The following IFT81 variants were observed in gnomAD, a reference collection of about 807,000 sequenced individuals.
IFT81 encodes the protein intraflagellar transport 81, also known as intraflagellar transport protein 81 homolog.
IFT81 carries 72 observed loss-of-function variants against 102.6 expected under a neutral mutation model. The ratio of observed to expected loss-of-function variants is 0.70; its 90% CI spans 0.58 to 0.85. IFT81 has a LOEUF of 0.85. IFT81 is among the 40% of genes least tolerant of loss of function. IFT81 has a pLI of 0.00. For synonymous variants in IFT81, 237 were observed against 242.7 expected, an observed-to-expected ratio of 0.98 and a Z score of 0.22; for missense variants, 723 against 787.3, an observed-to-expected ratio of 0.92 and a Z score of 0.98.
intron 18 of IFT81, among the ~76,000 whole-genome samples, chr12:110,215,689 TTC>T (rs1196560360): frequency 1.3e-5 from 2 of 150,914 alleles, no homozygotes; most frequent in East Asian, 2.0e-4. Context: ...CCAGGCTGGA[TTC>T]TCTCTCTCTT....
chr12:110,178,895 G>A (rs1383830692), intron 11 of IFT81, among the ~76,000 whole-genome samples: 1 of 151,480 alleles, frequency 6.6e-6, no homozygotes, highest in Non-Finnish European at 1.5e-5. Flanking sequence ...AGGATTATAG[G>A]CGTGAGCCAC....
intron 14 of IFT81, 49 bp downstream of exon 14, chr12:110,192,755 A>G (rs1356489016): frequency 9.9e-7 from 1 of 1,008,824 alleles, no homozygotes; most frequent in Non-Finnish European, 1.5e-6. Flanking sequence ...TACTTTTAGT[A>G]TTCTATCTTA....
At chr12:110,161,844 G>A (rs1419613571) in intron 10 of IFT81, among the ~76,000 whole-genome samples, 1 of 152,054 alleles carries the variant, frequency 6.6e-6, no homozygotes, top group African/African-American at 2.4e-5. Flanking sequence ...AAGGACAATA[G>A]AATTTTTTTA....
intron 1 of IFT81, among the ~76,000 whole-genome samples, chr12:110,125,388 T>G (rs1192718666): frequency 3.9e-5 from 6 of 152,200 alleles, no homozygotes; most frequent in Non-Finnish European, 7.3e-5. Flanking sequence ...GGAGAAATTA[T>G]CTTTTTTATT....
chr12:110,158,421 A>C (rs1017656982), intron 10 of IFT81, among the ~76,000 whole-genome samples: 2 of 151,666 alleles, frequency 1.3e-5, no homozygotes, highest in African/African-American at 4.9e-5. Flanking sequence ...TAAAAAATAG[A>C]AACAGGGTCT....
intron 10 of IFT81, among the ~76,000 whole-genome samples, chr12:110,149,658 C>T (rs1895411006): frequency 6.6e-6 from 1 of 152,192 alleles, no homozygotes; most frequent in Non-Finnish European, 1.5e-5. Context: ...GTCAGGCCGC[C>T]GAGTGGCCTG....
rs142726637 is a variant in IFT81 at position 110,167,940 on chromosome 12, C to T, written c.1188+4875C>T. On this transcript the variant is annotated intron_variant, in intron 11 of 18. Coordinates refer to ENST00000242591, the MANE Select transcript of IFT81 (RefSeq NM_014055.4). ...GATCATGGCTTACTGCAGCCTGAAA[C>T]TCCTAGGCTCAAGTGATCCTCCTAC... 5.7e-3 allele frequency: 1,256 copies of T among 221,840 alleles called. 10 individuals are homozygous for T. The highest frequency in any genetic ancestry group is 9.6e-3 in the Admixed American group (178 of 18,484). The allele number at this position is 221,840 out of a possible 1,614,324, so 13.7% of individuals were successfully genotyped here.
At chr12:110,131,043 G>C (rs1373455108) in intron 4 of IFT81, among the ~76,000 whole-genome samples, 7 of 152,160 alleles carry the variant, frequency 4.6e-5, no homozygotes, top group Middle Eastern at 6.8e-3. Context: ...AGCACTTTGG[G>C]AGGCCAAGGT....
At position 110,132,423 on chromosome 12, in the gene IFT81, G is replaced by A. The variant is rs930366544; in HGVS notation, c.430-124G>A. 26 of 437,406 alleles carry A rather than the reference G, an allele frequency of 5.9e-5. 1 individual carries two copies. The highest frequency in any genetic ancestry group is 2.2e-5 in the African/African-American group (1 of 45,896). The allele number at this position is 437,406 out of a possible 1,614,324, so 27.1% of individuals were successfully genotyped here. A position where few individuals can be genotyped will look rare whatever the true frequency, so the allele number is the denominator to read the frequency against. On this transcript the variant is annotated intron_variant, in intron 4 of 18. Transcript: ENST00000242591. ...TGTAGTGAGCCGAGATCGTGCCACT[G>A]CACTCCAGGCTGGGCGACAGAGCAA... is the stretch of plus-strand genomic sequence containing the variant.
chr12:110,143,096 T>G (rs1395400726), intron 8 of IFT81, among the ~76,000 whole-genome samples: 1 of 152,158 alleles, frequency 6.6e-6, no homozygotes, highest in Non-Finnish European at 1.5e-5. Context: ...ATGTTATTTT[T>G]GCGTATTGCG....
intron 11 of IFT81, among the ~76,000 whole-genome samples, chr12:110,166,605 T>C (rs1198798734): frequency 6.6e-6 from 1 of 151,908 alleles, no homozygotes; most frequent in African/African-American, 2.4e-5. Flanking sequence ...ATTTTGTAAC[T>C]TAAGAAACAG....
intron 11 of IFT81, 60 bp downstream of exon 11, chr12:110,163,125 G>A: frequency 1.4e-6 from 2 of 1,391,348 alleles, no homozygotes; most frequent in Non-Finnish European, 2.0e-6. Context: ...GAAACTATTA[G>A]TGTGTTTGAC....
At chr12:110,174,085 G>A (rs28575692) in intron 11 of IFT81, among the ~76,000 whole-genome samples, 2,297 of 151,832 alleles carry the variant, frequency 0.015, 54 homozygotes, top group African/African-American at 0.053. Context: ...AGACCATCCT[G>A]GCTAACACAG....
chr12:110,195,583 A>G (rs969729091), intron 14 of IFT81, among the ~76,000 whole-genome samples: 6 of 152,002 alleles, frequency 3.9e-5, no homozygotes, highest in Non-Finnish European at 8.8e-5. Flanking sequence ...TTGTTGTATC[A>G]TTTCTATCTT....
At chr12:110,127,823 C>T (rs1893936849) in intron 2 of IFT81, among the ~76,000 whole-genome samples, 1 of 152,142 alleles carries the variant, frequency 6.6e-6, no homozygotes, top group Non-Finnish European at 1.5e-5. Flanking sequence ...TACACTGGTC[C>T]ATTCCACTGG....
At chr12:110,214,521 T>A (rs1345236114) in intron 18 of IFT81, among the ~76,000 whole-genome samples, 1 of 151,956 alleles carries the variant, frequency 6.6e-6, no homozygotes, top group East Asian at 1.9e-4. Flanking sequence ...GCCAACTGAG[T>A]TTCCCCCCTT....
intron 10 of IFT81, among the ~76,000 whole-genome samples, chr12:110,161,970 G>C: frequency 6.6e-6 from 1 of 152,250 alleles, no homozygotes; most frequent in African/African-American, 2.4e-5. Flanking sequence ...GCTATGGTTC[G>C]TTTAAGGAAA....
chr12:110,138,663 C>T, intron 8 of IFT81, among the ~76,000 whole-genome samples: 1 of 152,142 alleles, frequency 6.6e-6, no homozygotes, highest in Non-Finnish European at 1.5e-5. Context: ...GAACTCCCGA[C>T]CTCAGGTGAT....
intron 11 of IFT81, among the ~76,000 whole-genome samples, chr12:110,174,277 CAAAAAAAAAAA>C (rs61353726): frequency 1.1e-3 from 38 of 35,282 alleles, no homozygotes; most frequent in South Asian, 4.9e-3. Context: ...GACTCCGTCT[CAAAAAAAAAAA>C]AAAAAAAAAA....
Sources: gnomAD v4.1 joint callset for allele counts (sites outside exome capture counted in the v4.1 genomes callset) on GRCh38, gnomAD v4.1.1 for gene constraint, MANE v1.5 for transcripts, NCBI Gene and HGNC (gene_info 2026-07-23, HGNC 2026-07-21) for gene names.